The following OR2L13 variants were observed in gnomAD, a reference collection of about 807,000 sequenced individuals.
OR2L13 encodes olfactory receptor family 2 subfamily L member 13, also known as olfactory receptor 2L13.
OR2L13 carries 14 observed loss-of-function variants against 15.3 expected under a neutral mutation model. The ratio of observed to expected loss-of-function variants is 0.91; its 90% confidence interval spans 0.60 to 1.43. The LOEUF (loss-of-function observed/expected upper bound fraction) is 1.43, where lower values mean the gene tolerates loss of function less well. Ranked by LOEUF, OR2L13 falls within the 40% of genes most tolerant of loss-of-function variation. OR2L13 has a pLI of 0.00. For missense variants in OR2L13, 367 were observed against 387.9 expected (o/e 0.95, Z 0.45); for synonymous variants, 152 against 142.9 (o/e 1.06, Z -0.45).
At chr1:248,062,420 T>C in the OR2L13 span, 1 of 151,680 alleles carries the variant, frequency 6.6e-6, no homozygotes, top group Non-Finnish European at 1.5e-5. Context: ...GAAGACACTG[T>C]CTTTTTCCCA....
At chr1:248,041,696 G>A in the OR2L13 span, 2 of 152,106 alleles carry the variant, frequency 1.3e-5, no homozygotes, top group African/African-American at 2.4e-5. Flanking sequence ...AAAAGTGGGT[G>A]AAGGACATGA....
chr1:248,070,117 A>T, the OR2L13 span, among the ~76,000 whole-genome samples: 2 of 152,204 alleles, frequency 1.3e-5, no homozygotes, highest in Admixed American at 1.3e-4. Flanking sequence ...GCTCTGGACC[A>T]AGCAGACCTA....
the OR2L13 span, chr1:248,003,425 CAG>C: frequency 1.9e-6 from 3 of 1,610,022 alleles, no homozygotes; most frequent in Non-Finnish European, 1.7e-6. Context: ...GTGTGGGATT[CAG>C]AGTTTCTTCT....
chr1:248,025,510 A>G, the OR2L13 span, among the ~76,000 whole-genome samples: 1 of 149,524 alleles, frequency 6.7e-6, no homozygotes, highest in Non-Finnish European at 1.5e-5. Context: ...GGGACTGTAA[A>G]CTAGTTCAAC....
At chr1:247,948,169 T>G in the OR2L13 span, among the ~76,000 whole-genome samples, 1 of 151,926 alleles carries the variant, frequency 6.6e-6, no homozygotes, top group Non-Finnish European at 1.5e-5. Flanking sequence ...GCTATGATCT[T>G]GCCACTGCAC....
the OR2L13 span, chr1:248,040,173 C>G: frequency 6.6e-6 from 1 of 152,214 alleles, no homozygotes; most frequent in Non-Finnish European, 1.5e-5. Flanking sequence ...GGGATCAGCT[C>G]CTCTGCTCCA....
the OR2L13 span, among the ~76,000 whole-genome samples, chr1:248,071,851 A>C: frequency 2.6e-5 from 4 of 151,056 alleles, no homozygotes; most frequent in African/African-American, 9.7e-5. Context: ...ACAGAGAGCC[A>C]AATCATGAGT....
the OR2L13 span, among the ~76,000 whole-genome samples, chr1:248,067,838 G>A: frequency 1.3e-5 from 2 of 152,176 alleles, no homozygotes; most frequent in African/African-American, 4.8e-5. Context: ...GCGCCAGGAG[G>A]TTATATCCCA....
At chr1:247,944,258 C>CT in the OR2L13 span, among the ~76,000 whole-genome samples, 5,395 of 150,358 alleles carry the variant, frequency 0.036, 295 homozygotes, top group African/African-American at 0.12. Context: ...TCCATTGAAT[C>CT]TTTTTTTTTG....
the OR2L13 span, among the ~76,000 whole-genome samples, chr1:248,072,218 C>T: frequency 1.3e-5 from 2 of 152,170 alleles, no homozygotes; most frequent in Non-Finnish European, 2.9e-5. Flanking sequence ...CGCTACCTGA[C>T]TTCAAACTAT....
At chr1:247,994,991 A>G in the OR2L13 span, among the ~76,000 whole-genome samples, 2 of 152,148 alleles carry the variant, frequency 1.3e-5, no homozygotes, top group African/African-American at 2.4e-5. Flanking sequence ...AATTCTCTCC[A>G]TTGGCTAATT....
chr1:248,083,076 AAGAAATGTGACAAT>A, the OR2L13 span, among the ~76,000 whole-genome samples: 2 of 152,200 alleles, frequency 1.3e-5, no homozygotes, highest in African/African-American at 4.8e-5. Context: ...ATAAATACAA[AAGAAATGTGACAAT>A]ATAGCAGTTA....
At chr1:248,032,647 ATCAAGTT>A in the OR2L13 span, among the ~76,000 whole-genome samples, 7 of 152,162 alleles carry the variant, frequency 4.6e-5, no homozygotes, top group Non-Finnish European at 7.4e-5. Flanking sequence ...GCATAATGTA[ATCAAGTT>A]TCATCTATGT....
the OR2L13 span, among the ~76,000 whole-genome samples, chr1:247,947,699 G>C: frequency 6.6e-6 from 1 of 152,130 alleles, no homozygotes; most frequent in East Asian, 1.9e-4. Context: ...ATTAGGCGAG[G>C]AGGCCAAAGA....
At chr1:247,955,987 C>T in the OR2L13 span, among the ~76,000 whole-genome samples, 1 of 146,546 alleles carries the variant, frequency 6.8e-6, no homozygotes, top group African/African-American at 2.5e-5. Context: ...GTTGCCATTG[C>T]TTTTGGTGTT....
the OR2L13 span, among the ~76,000 whole-genome samples, chr1:248,081,481 C>A: frequency 2.4e-4 from 36 of 152,248 alleles, no homozygotes; most frequent in African/African-American, 8.7e-4. Flanking sequence ...TTATAGGCCT[C>A]ATTTACCATT....
the OR2L13 span, among the ~76,000 whole-genome samples, chr1:247,992,447 T>G: frequency 1.3e-5 from 2 of 152,174 alleles, no homozygotes; most frequent in Non-Finnish European, 2.9e-5. Flanking sequence ...CGTGGGAATA[T>G]TGCATGTTGC....
chr1:247,950,510 T>A, the OR2L13 span, among the ~76,000 whole-genome samples: 1 of 152,190 alleles, frequency 6.6e-6, no homozygotes, highest in African/African-American at 2.4e-5. Context: ...TTTGGTATAG[T>A]GTAAGAATTG....
At chr1:248,037,654 G>A in the OR2L13 span, among the ~76,000 whole-genome samples, 1 of 152,122 alleles carries the variant, frequency 6.6e-6, no homozygotes, top group African/African-American at 2.4e-5. Flanking sequence ...GTGTTGTAAA[G>A]TTCTATAAAT....
Sources: gnomAD v4.1 joint callset for allele counts (sites outside exome capture counted in the v4.1 genomes callset) on GRCh38, gnomAD v4.1.1 for gene constraint, MANE v1.5 for transcripts, NCBI Gene and HGNC (gene_info 2026-07-23, HGNC 2026-07-21) for gene names.